Variants in NECAB1 observed in about 807,000 individuals in gnomAD.
NECAB1 encodes N-terminal EF-hand calcium binding protein 1.
In NECAB1, 29 loss-of-function variants were observed where a neutral mutation model predicts 57.5. That is an observed-to-expected ratio of 0.50 (90% CI 0.38 to 0.69). The LOEUF (loss-of-function observed/expected upper bound fraction) is 0.69, where lower values mean the gene tolerates loss of function less well. Ranked by LOEUF, NECAB1 falls within the 30% of genes least tolerant of loss-of-function variation. The probability of loss-of-function intolerance (pLI) is 0.00; values close to 1 mark genes in which losing one functional copy is unlikely to be tolerated. For synonymous variants in NECAB1, 142 were observed against 147.7 expected (o/e 0.96, Z 0.28); for missense variants, 372 against 413.8 (o/e 0.90, Z 0.88).
intron 8 of NECAB1, among the ~76,000 whole-genome samples, chr8:90,929,272 G>A (rs1810350272): frequency 6.6e-6 from 1 of 152,130 alleles, no homozygotes. Context: ...TGCTCAGGAA[G>A]GACTTTGTGT....
intron 1 of NECAB1, among the ~76,000 whole-genome samples, chr8:90,795,207 A>G (rs1446753937): frequency 6.6e-6 from 1 of 152,234 alleles, no homozygotes; most frequent in Non-Finnish European, 1.5e-5. Flanking sequence ...GAGTCATTAC[A>G]TTAATCAACT....
chr8:90,793,792 T>C (rs891694759), intron 1 of NECAB1, among the ~76,000 whole-genome samples: 1 of 152,204 alleles, frequency 6.6e-6, no homozygotes, highest in African/African-American at 2.4e-5. Context: ...ACCCCGGTGA[T>C]AGTGTGGAGA....
chr8:90,802,900 T>C (rs1490568340), intron 2 of NECAB1, among the ~76,000 whole-genome samples: 2 of 152,132 alleles, frequency 1.3e-5, no homozygotes, highest in African/African-American at 4.8e-5. Context: ...TTTTGTTTTG[T>C]TTTGTTTTGT....
rs577951495 is a variant in NECAB1, at chr8:90,922,486, A to ATTTTTTTTTTTTTTTTTTTTTTTTT, written c.495-3025_495-3024insTTTTTTTTTTTTTTTTTTTTTTTTT. On this transcript the variant is annotated intron_variant, in intron 6 of 12. Transcript: ENST00000417640. ...ACCACCAAAGCTGCCAAAAACTTGGATTTTTTTTTTTTTTTTTTTTTTTTG... is the reference window on the plus strand; with the variant it reads ...ACCACCAAAGCTGCCAAAAACTTGGATTTTTTTTTTTTTTTTTTTTTTTTTTTTTTTTTTTTTTTTTTTTTTTTTG... 3.7e-3 allele frequency among the ~76,000 whole-genome samples: 212 copies of ATTTTTTTTTTTTTTTTTTTTTTTTT among 57,492 alleles called. 22 individuals are homozygous for ATTTTTTTTTTTTTTTTTTTTTTTTT. The highest frequency in any genetic ancestry group is 8.6e-3 in the East Asian group (9 of 1,042). The allele number at this position is 57,492 out of a possible 152,430, so 37.7% of individuals were successfully genotyped here. A position where few individuals can be genotyped will look rare whatever the true frequency, so the allele number is the denominator to read the frequency against.
Position 90,917,598 on chromosome 8 carries a change from A to G in NECAB1, c.464A>G (p.Glu155Gly), listed in dbSNP as rs781177924. The G allele has an allele frequency of 6.2e-7, 1 of 1,611,496 alleles. No homozygotes were observed. Among genetic ancestry groups the G allele is most frequent in the African/African-American group, 1.3e-5 (1 of 74,740 alleles). ...CAGAATTCCCTGGAATGTGCCATGGAAACTACTGAGGAGCAAACCCGTCAA... is the reference window on the plus strand; with the variant it reads ...CAGAATTCCCTGGAATGTGCCATGGGAACTACTGAGGAGCAAACCCGTCAA... ...SLQNSLECAM[E>G]TTEEQTRQER... Residue 155 changes from glutamate (E) to glycine (G), a missense_variant, in exon 6 of 13, where the codon GAA (glutamate) becomes GGA (glycine). Glu to Gly is a moderately conservative substitution (Grantham distance 98). Transcript: ENST00000417640.
rs189175117 is a variant in NECAB1 at position 90,832,935 on chromosome 8, G to A, written c.233+8110G>A. Reference sequence around the variant, plus strand: ...TATTCCAAGGCAATTTTTAAAAATCGCTTTCAGTAATTTATCCTTGATAAA... The same window carrying A: ...TATTCCAAGGCAATTTTTAAAAATCACTTTCAGTAATTTATCCTTGATAAA... On this transcript the variant is annotated intron_variant, in intron 3 of 12. Coordinates refer to ENST00000417640, the MANE Select transcript of NECAB1 (RefSeq NM_022351.5). Among the ~76,000 whole-genome samples, 56 of 151,992 alleles carry A rather than the reference G, an allele frequency of 3.7e-4. No individual in the cohort carries two copies. In the East Asian group the frequency reaches 0.01, roughly 28 times the overall value.
chr8:90,827,276 C>T lies in NECAB1; in HGVS notation c.233+2451C>T, dbSNP rs1356801693. ...GACCACTCTAATTTAATCAAGAGTA[C>T]AGCCTGGCCTGAAGGAGTCAGTCAT... On this transcript the variant is annotated intron_variant, in intron 3 of 12. Coordinates refer to ENST00000417640, the MANE Select transcript of NECAB1 (RefSeq NM_022351.5). 2.0e-5 allele frequency among the ~76,000 whole-genome samples: 3 copies of T among 152,136 alleles called. No individual in the cohort carries two copies. In the East Asian group the frequency reaches 5.8e-4, roughly 29 times the overall value.
chr8:90,924,187 A>G (rs912501574), intron 6 of NECAB1, among the ~76,000 whole-genome samples: 2 of 152,224 alleles, frequency 1.3e-5, no homozygotes, highest in African/African-American at 4.8e-5. Flanking sequence ...AACACAATGG[A>G]GCAAATTTTT....
intron 2 of NECAB1, 104 bp from the exon 3 acceptor site, chr8:90,824,613 C>T: frequency 1.2e-5 from 7 of 591,982 alleles, no homozygotes; most frequent in Non-Finnish European, 2.0e-5. Flanking sequence ...TTTTTGAGTA[C>T]ACGTGTGTAC....
chr8:90,907,119 A>G (rs1282536258), intron 5 of NECAB1, among the ~76,000 whole-genome samples: 2 of 119,936 alleles, frequency 1.7e-5, no homozygotes, highest in East Asian at 2.5e-4. Flanking sequence ...AATCCACCCA[A>G]TTTTGTGTGT....
At position 90,902,757 on chromosome 8, in the gene NECAB1, A is replaced by G. The variant is rs192281255; in HGVS notation, c.358-14735A>G. The stretch of plus-strand genomic sequence containing the variant: ...GATAATGGGACTTTAAATTAGTACT[A>G]CCTGTAGGAGGGCAAACTTAGTGAC... On this transcript the variant is annotated intron_variant, in intron 5 of 12. Transcript: ENST00000417640. 2.0e-4 allele frequency among the ~76,000 whole-genome samples: 31 copies of G among 152,216 alleles called. No homozygotes were observed. The East Asian group carries it at 4.4e-3, about 22-fold the overall frequency.
intron 8 of NECAB1, among the ~76,000 whole-genome samples, chr8:90,929,590 G>A (rs1810356720): frequency 6.6e-6 from 1 of 152,176 alleles, no homozygotes; most frequent in Non-Finnish European, 1.5e-5. Flanking sequence ...GGAAGAGTCT[G>A]GTTGGTCATG....
At chr8:90,908,032 G>A (rs1809736441) in intron 5 of NECAB1, among the ~76,000 whole-genome samples, 1 of 152,020 alleles carries the variant, frequency 6.6e-6, no homozygotes, top group East Asian at 1.9e-4. Flanking sequence ...GCCTTTGAAA[G>A]CACAGAGATC....
chr8:90,849,648 CT>C (rs1280012623), intron 3 of NECAB1, among the ~76,000 whole-genome samples: 2 of 148,294 alleles, frequency 1.3e-5, no homozygotes, highest in South Asian at 4.3e-4. Context: ...AGCAGAAGAC[CT>C]AAAAAACTAG....
intron 3 of NECAB1, among the ~76,000 whole-genome samples, chr8:90,861,116 C>G (rs1563508833): frequency 1.3e-5 from 2 of 152,162 alleles, no homozygotes; most frequent in African/African-American, 2.4e-5. Context: ...AGTATCACCT[C>G]CAGTGGCTCC....
chr8:90,803,941 C>T (rs1300917856), intron 2 of NECAB1, among the ~76,000 whole-genome samples: 1 of 152,200 alleles, frequency 6.6e-6, no homozygotes, highest in Non-Finnish European at 1.5e-5. Context: ...CACCCTCTCC[C>T]TGTGTTCTCA....
At chr8:90,912,151 G>A (rs1291809609) in intron 5 of NECAB1, among the ~76,000 whole-genome samples, 1 of 152,086 alleles carries the variant, frequency 6.6e-6, no homozygotes, top group Admixed American at 6.6e-5. Flanking sequence ...TGACTCTCTA[G>A]ATGTCCCCAT....
At chr8:90,951,003 T>G in intron 11 of NECAB1, 110 bp from the exon 12 acceptor site, 1 of 504,476 alleles carries the variant, frequency 2.0e-6, no homozygotes, top group Non-Finnish European at 3.4e-6. Context: ...AGGAGCTTAT[T>G]TAATCCAAAT....
chr8:90,953,646 G>A (rs1810961015), intron 12 of NECAB1, among the ~76,000 whole-genome samples: 1 of 152,162 alleles, frequency 6.6e-6, no homozygotes, highest in African/African-American at 2.4e-5. Context: ...GTGACAGCAG[G>A]CCTATTCCAG....
Sources: allele counts gnomAD v4.1 joint callset (sites outside exome capture counted in the v4.1 genomes callset), GRCh38; gene constraint gnomAD v4.1.1; transcripts MANE v1.5; gene names NCBI Gene and HGNC (gene_info 2026-07-23, HGNC 2026-07-21).